The following HSF1 variants were observed in gnomAD, a reference collection of about 807,000 sequenced individuals.
HSF1 encodes heat shock transcription factor 1, also known as heat shock factor protein 1.
Under a neutral mutation model 51.7 loss-of-function variants are expected in HSF1, and 32 were observed. That is an observed-to-expected ratio of 0.62 (90% confidence interval 0.47 to 0.83). The LOEUF (loss-of-function observed/expected upper bound fraction) is 0.83. Among genes scored for constraint, HSF1 ranks in the 40% least tolerant of loss-of-function variants. The pLI is 0.00. For synonymous variants in HSF1, 396 were observed against 309.7 expected, an observed-to-expected ratio of 1.28 and a Z score of -2.92; for missense variants, 727 against 717.0, an observed-to-expected ratio of 1.01 and a Z score of -0.16.
At chr8:144,296,068 G>A (rs539228757) in intron 1 of HSF1, among the ~76,000 whole-genome samples, 12 of 152,284 alleles carry the variant, frequency 7.9e-5, no homozygotes, top group South Asian at 2.1e-4. Flanking sequence ...TCGGCCTATC[G>A]CGGGAGAGAG....
chr8:144,309,029 CA>C lies in HSF1; in HGVS notation c.226+16del. ...GCTCAACATGTGTGAGTGCTGCCTC[CA>C]GGCAGCGCAGGGGTGCGGGAGGCAG... On this transcript the variant is annotated intron_variant, in intron 2 of 12. Coordinates refer to ENST00000528838, the MANE Select transcript of HSF1 (RefSeq NM_005526.4). The C allele has an allele frequency of 6.3e-7, 1 of 1,577,646 alleles. No homozygotes were observed.
At chr8:144,295,404 G>A (rs1466171802) in intron 1 of HSF1, among the ~76,000 whole-genome samples, 1 of 152,244 alleles carries the variant, frequency 6.6e-6, no homozygotes, top group Non-Finnish European at 1.5e-5. Flanking sequence ...CCACCCAGCT[G>A]GCTGAGGAGC....
rs549702603 is a variant in HSF1, at chr8:144,296,347, G to A, written c.117+4473G>A. 3.3e-5 allele frequency among the ~76,000 whole-genome samples: 5 copies of A among 152,318 alleles called. No homozygotes were observed. In the South Asian group the frequency reaches 1.0e-3, roughly 32 times the overall value. ...CCCTGCTTCCCTGGTTCTGAGAGCC[G>A]CCAAGACCCAGCAGGCCCACTGGCC... On this transcript the variant is annotated intron_variant, in intron 1 of 12. Transcript: ENST00000528838.
chr8:144,309,043 G>A, intron 2 of HSF1, 29 bp downstream of exon 2: 1 of 1,527,702 alleles, frequency 6.5e-7, no homozygotes, highest in Non-Finnish European at 9.1e-7. Context: ...CAGCGCAGGG[G>A]TGCGGGAGGC....
intron 4 of HSF1, 145 bp downstream of exon 4, chr8:144,310,041 C>T (rs1816510763): frequency 1.0e-6 from 1 of 976,812 alleles, no homozygotes; most frequent in South Asian, 1.7e-5. Context: ...GGGCCTCTGC[C>T]CCAGCCCCGC....
chr8:144,299,791 C>T (rs1470034988), intron 1 of HSF1, among the ~76,000 whole-genome samples: 1 of 152,118 alleles, frequency 6.6e-6, no homozygotes, highest in Non-Finnish European at 1.5e-5. Flanking sequence ...CACCTGTAGT[C>T]CCAGCTCCTC....
intron 1 of HSF1, among the ~76,000 whole-genome samples, chr8:144,305,173 C>T (rs1330058636): frequency 6.6e-6 from 1 of 151,572 alleles, no homozygotes; most frequent in Non-Finnish European, 1.5e-5. Context: ...TCTCGAATTC[C>T]TAACCTCAGG....
In HSF1 at chr8:144,299,457, C is replaced by T. The variant is rs142856407; in HGVS notation, c.117+7583C>T. On this transcript the variant is annotated intron_variant, in intron 1 of 12. Coordinates refer to ENST00000528838, the MANE Select transcript of HSF1 (RefSeq NM_005526.4). ...TTCTAAAAAAAAAAAAAAAAATTCACGTCCAGAATCTAATCAGTCATGGGC... is the reference window on the plus strand; with the variant it reads ...TTCTAAAAAAAAAAAAAAAAATTCATGTCCAGAATCTAATCAGTCATGGGC... Among the ~76,000 whole-genome samples the T allele has an allele frequency of 4.5e-3, 666 of 149,244 alleles. 5 individuals carry two copies. The highest frequency in any genetic ancestry group is 0.015 in the African/African-American group (632 of 40,944).
In HSF1 at chr8:144,312,173, C is replaced by A. The variant is rs370819503; in HGVS notation, c.1071C>A (p.Thr357=). 3 of 1,606,742 alleles carry A rather than the reference C, an allele frequency of 1.9e-6. No individual in the cohort carries two copies. Among genetic ancestry groups the A allele is most frequent in the South Asian group, 1.1e-5 (1 of 90,916 alleles). The change falls in exon 9 of 13, where the codon ACC becomes ACA. Residue 357 remains threonine (T), a synonymous_variant. Coordinates refer to ENST00000528838, the MANE Select transcript of HSF1 (RefSeq NM_005526.4). The part of the protein sequence containing the change: ...ALTDARGHTD[T]EGRPPSPPPT... ...CGGACGCCAGGGGCCACACGGACAC[C>A]GAGGGCCGGCCTCCCTCCCCCCCGC...
chr8:144,309,066 G>T (rs1463521926), intron 2 of HSF1, 52 bp downstream of exon 2: 4 of 1,355,374 alleles, frequency 3.0e-6, no homozygotes, highest in East Asian at 2.3e-5. Flanking sequence ...ACCTGCAGAT[G>T]GCGGGACCCC....
intron 9 of HSF1, chr8:144,313,016 T>C (rs2130460649): frequency 2.0e-6 from 1 of 495,526 alleles, no homozygotes. Flanking sequence ...AGGGCACCTC[T>C]GGGACCCAGC....
Position 144,311,365 on chromosome 8 carries a change from G to C in HSF1, c.609G>C (p.Leu203=), listed in dbSNP as rs1564621811. The C allele has an allele frequency of 6.2e-7, 1 of 1,613,990 alleles. No individual in the cohort carries two copies. Among genetic ancestry groups the C allele is most frequent in the Non-Finnish European group, 8.5e-7 (1 of 1,179,994 alleles). ...CACTGGTGCAGTCAAACCGGATCCT[G>C]GGGGTGAAGAGAAAGATGTGAGGTT... The part of the protein sequence containing the change: ...LISLVQSNRI[L]GVKRKIPLML... The change falls in exon 6 of 13, where the codon CTG becomes CTC. Residue 203 remains leucine (L), a synonymous_variant. Transcript: ENST00000528838.
intron 1 of HSF1, among the ~76,000 whole-genome samples, chr8:144,301,625 G>C (rs1554842287): frequency 1.3e-5 from 2 of 152,176 alleles, no homozygotes; most frequent in Non-Finnish European, 2.9e-5. Context: ...CCAGCACTTT[G>C]GGAGGCCAAG....
intron 9 of HSF1, chr8:144,312,486 C>T (rs1343163436): frequency 3.8e-6 from 3 of 796,216 alleles, no homozygotes; most frequent in African/African-American, 1.7e-5. Flanking sequence ...GCCACCCGTC[C>T]TGCTGCCGCC....
At chr8:144,292,188 G>A (rs1011849415) in intron 1 of HSF1, among the ~76,000 whole-genome samples, 1 of 152,266 alleles carries the variant, frequency 6.6e-6, no homozygotes, top group Non-Finnish European at 1.5e-5. Flanking sequence ...AAGTGTCCGC[G>A]CTTAGGGCAA....
intron 1 of HSF1, among the ~76,000 whole-genome samples, chr8:144,307,800 AG>A (rs1275375979): frequency 6.6e-6 from 1 of 152,068 alleles, no homozygotes; most frequent in African/African-American, 2.4e-5. Context: ...AAAAAAAAAA[AG>A]TTCACAAAGC....
intron 1 of HSF1, among the ~76,000 whole-genome samples, chr8:144,296,930 G>A (rs376140850): frequency 4.6e-5 from 7 of 151,980 alleles, no homozygotes; most frequent in Non-Finnish European, 1.0e-4. Flanking sequence ...GGTGTGGTGG[G>A]GGGGGTGCGG....
At chr8:144,309,400 C>T in intron 2 of HSF1, 55 bp from the exon 3 acceptor site, 1 of 1,606,750 alleles carries the variant, frequency 6.2e-7, no homozygotes. Context: ...GGCCGCTCTT[C>T]AGGGGTTCTG....
intron 1 of HSF1, among the ~76,000 whole-genome samples, chr8:144,299,585 A>G (rs557679854): frequency 1.3e-5 from 2 of 152,214 alleles, no homozygotes; most frequent in Admixed American, 6.5e-5. Flanking sequence ...AATTATAAAA[A>G]TGTTCCCTGT....
Sources: gnomAD v4.1 joint callset for allele counts (sites outside exome capture counted in the v4.1 genomes callset) on GRCh38, gnomAD v4.1.1 for gene constraint, MANE v1.5 for transcripts, NCBI Gene and HGNC (gene_info 2026-07-23, HGNC 2026-07-21) for gene names.